MED27: variants seen among roughly 807,000 people sequenced by gnomAD.
The protein encoded by MED27 is mediator complex subunit 27.
MED27 carries 30 observed loss-of-function variants against 38.2 expected under a neutral mutation model. That is an observed-to-expected ratio of 0.79 (90% CI 0.59 to 1.07). MED27 has a LOEUF of 1.07. MED27 is among the 50% of genes least tolerant of loss of function. MED27 has a pLI of 0.00. For missense variants in MED27, 289 were observed against 397.5 expected, an observed-to-expected ratio of 0.73 and a Z score of 2.32; for synonymous variants, 122 against 153.5, an observed-to-expected ratio of 0.79 and a Z score of 1.52.
At chr9:131,866,840 G>C (rs372519652) in intron 6 of MED27, among the ~76,000 whole-genome samples, 2 of 152,148 alleles carry the variant, frequency 1.3e-5, no homozygotes, top group Non-Finnish European at 2.9e-5. Flanking sequence ...GATGAAATGC[G>C]AACTGTGAAC....
chr9:131,930,540 G>T (rs1443235529), intron 4 of MED27, among the ~76,000 whole-genome samples: 2 of 152,050 alleles, frequency 1.3e-5, no homozygotes, highest in Admixed American at 1.3e-4. Context: ...GCATGAAGGA[G>T]AAATAAAGAC....
chr9:131,963,054 A>G (rs1589236628), intron 3 of MED27, among the ~76,000 whole-genome samples: 2 of 152,246 alleles, frequency 1.3e-5, no homozygotes, highest in East Asian at 3.8e-4. Context: ...AGCCGAACAT[A>G]AATTTCTAAA....
Position 132,010,688 on chromosome 9 carries a change from A to G in MED27, c.479+3649T>C, listed in dbSNP as rs376064577. On this transcript the variant is annotated intron_variant, in intron 3 of 7. Coordinates refer to ENST00000292035, the MANE Select transcript of MED27 (RefSeq NM_004269.4). ...AAAATGTGGCACATATACACCACGG[A>G]ATACTATGCAGCCATAAAAAATGAT... 2.1e-3 allele frequency among the ~76,000 whole-genome samples: 327 copies of G among 152,336 alleles called. 8 individuals are homozygous for G. The East Asian group carries it at 0.04, about 19-fold the overall frequency.
At chr9:132,066,758 TC>T (rs937820825) in intron 2 of MED27, among the ~76,000 whole-genome samples, 1 of 152,072 alleles carries the variant, frequency 6.6e-6, no homozygotes, top group African/African-American at 2.4e-5. Context: ...CCAGCTCCCC[TC>T]CCGCACACAG....
At chr9:132,041,842 C>T (rs1833221294) in intron 2 of MED27, among the ~76,000 whole-genome samples, 1 of 152,248 alleles carries the variant, frequency 6.6e-6, no homozygotes, top group African/African-American at 2.4e-5. Context: ...TGACTTTCTT[C>T]TTCTCAAGAA....
intron 2 of MED27, among the ~76,000 whole-genome samples, chr9:132,026,474 A>G (rs1832821400): frequency 6.6e-6 from 1 of 152,164 alleles, no homozygotes; most frequent in South Asian, 2.1e-4. Context: ...GTTTTTGTGT[A>G]TCTACCTTTA....
Position 131,966,383 on chromosome 9 carries a change from C to CAAAAAAAAAAAAAAAAAAAA in MED27, c.480-26910_480-26909insTTTTTTTTTTTTTTTTTTTT, listed in dbSNP as rs749607968. On this transcript the variant is annotated intron_variant, in intron 3 of 7. Transcript: ENST00000292035. ...CAGGCAAAAGAGCCAGACCCTGTCA[C>CAAAAAAAAAAAAAAAAAAAA]AAAAAAAAAAAAAAAAAGGAAAGGA... is the stretch of plus-strand genomic sequence containing the variant. Among the ~76,000 whole-genome samples, 255 of 36,732 alleles carry CAAAAAAAAAAAAAAAAAAAA rather than the reference C, an allele frequency of 6.9e-3. 53 individuals are homozygous for CAAAAAAAAAAAAAAAAAAAA. Among genetic ancestry groups the CAAAAAAAAAAAAAAAAAAAA allele is most frequent in the African/African-American group, 0.015 (97 of 6,270 alleles). 24.1% of individuals were successfully genotyped at this position (36,732 alleles called of 152,430 possible).
At chr9:131,880,671 T>G (rs187041776) in intron 6 of MED27, among the ~76,000 whole-genome samples, 141 of 152,330 alleles carry the variant, frequency 9.3e-4, no homozygotes, top group African/African-American at 3.2e-3. Context: ...TGGCGGATGC[T>G]CCTAAATCTC....
At chr9:131,943,007 T>C (rs1314609683) in intron 3 of MED27, among the ~76,000 whole-genome samples, 1 of 152,198 alleles carries the variant, frequency 6.6e-6, no homozygotes, top group African/African-American at 2.4e-5. Flanking sequence ...GTGGGTTTTG[T>C]TGTTGTTTTG....
chr9:131,932,159 T>TAA (rs1830601735), intron 4 of MED27, among the ~76,000 whole-genome samples: 1 of 151,388 alleles, frequency 6.6e-6, no homozygotes, highest in African/African-American at 2.4e-5. Flanking sequence ...AAAAAAACTA[T>TAA]AAGAATATCA....
chr9:131,871,519 G>C (rs1439999770), intron 6 of MED27, among the ~76,000 whole-genome samples: 3 of 152,180 alleles, frequency 2.0e-5, no homozygotes, highest in Non-Finnish European at 4.4e-5. Flanking sequence ...CACCAGCCTG[G>C]TACAGGAACA....
rs1225192357 is a variant in MED27, at chr9:131,889,684, T to C, written c.681+4201A>G. Among the ~76,000 whole-genome samples, 6 of 152,032 alleles carry C rather than the reference T, an allele frequency of 3.9e-5. No homozygotes were observed. Among genetic ancestry groups the C allele is most frequent in the Admixed American group, 1.3e-4 (2 of 15,268 alleles). ...ATAGCCTTGCTGGGCTGGATTCTGATGGGGAAAAAACCTGCAAGGTCTGGA... is the reference window on the plus strand; with the variant it reads ...ATAGCCTTGCTGGGCTGGATTCTGACGGGGAAAAAACCTGCAAGGTCTGGA... On this transcript the variant is annotated intron_variant, in intron 5 of 7. Coordinates refer to ENST00000292035, the MANE Select transcript of MED27 (RefSeq NM_004269.4). The surrounding 1 kb of genome is among the most constrained non-coding windows in gnomAD (Gnocchi z 4.2).
At position 132,065,631 on chromosome 9, in the gene MED27, C is replaced by T. The variant is rs776163740; in HGVS notation, c.348+11811G>A. Among the ~76,000 whole-genome samples, 104 of 152,344 alleles carry T rather than the reference C, an allele frequency of 6.8e-4. 1 individual carries two copies. The highest frequency in any genetic ancestry group is 1.2e-3 in the Non-Finnish European group (85 of 68,032). ...CGCACACAAGGGTGCCTGCCACTCC[C>T]GAATCTGAGAGGCCTGCAGCTGCCT... On this transcript the variant is annotated intron_variant, in intron 2 of 7. Coordinates refer to ENST00000292035, the MANE Select transcript of MED27 (RefSeq NM_004269.4).
intron 4 of MED27, among the ~76,000 whole-genome samples, chr9:131,929,106 G>C (rs1209225702): frequency 6.6e-6 from 1 of 152,170 alleles, no homozygotes; most frequent in Admixed American, 6.5e-5. Flanking sequence ...GATATTTCTC[G>C]ACACCTTGGG....
At chr9:131,915,001 T>C (rs928359875) in intron 4 of MED27, among the ~76,000 whole-genome samples, 1 of 152,122 alleles carries the variant, frequency 6.6e-6, no homozygotes, top group African/African-American at 2.4e-5. Context: ...AATGGCGACA[T>C]GAACAGGCAG....
chr9:131,861,416 G>A lies in MED27; in HGVS notation c.802-744C>T, dbSNP rs1291311906. 6.6e-6 allele frequency among the ~76,000 whole-genome samples: 1 copy of A among 152,198 alleles called. No individual in the cohort carries two copies. The highest frequency in any genetic ancestry group is 2.4e-5 in the African/African-American group (1 of 41,452). On this transcript the variant is annotated intron_variant, in intron 7 of 7. Coordinates refer to ENST00000292035, the MANE Select transcript of MED27 (RefSeq NM_004269.4). This position sits in a 1 kb window ranked among gnomAD's most constrained non-coding sequence, Gnocchi z 4.4. ...CGCGGTGAAAGGGCACGTGAATCTTGTCATTTAATGTCCTCCTGAATTAAG... is the reference window on the plus strand; with the variant it reads ...CGCGGTGAAAGGGCACGTGAATCTTATCATTTAATGTCCTCCTGAATTAAG...
At chr9:131,959,532 A>G (rs1016078048) in intron 3 of MED27, among the ~76,000 whole-genome samples, 34 of 152,196 alleles carry the variant, frequency 2.2e-4, no homozygotes, top group Non-Finnish European at 3.8e-4. Context: ...AGAGGGCCAC[A>G]GCGGGCAAAT....
intron 2 of MED27, among the ~76,000 whole-genome samples, chr9:132,035,789 C>T (rs1833061568): frequency 6.6e-6 from 1 of 152,048 alleles, no homozygotes; most frequent in Non-Finnish European, 1.5e-5. Context: ...ATAGCAAGAC[C>T]CCATCTCTAC....
intron 2 of MED27, among the ~76,000 whole-genome samples, chr9:132,064,448 T>C (rs2131155092): frequency 6.6e-6 from 1 of 152,310 alleles, no homozygotes; most frequent in South Asian, 2.1e-4. Context: ...TATCTCATGA[T>C]AGAAACAGAC....
Sources: allele counts gnomAD v4.1 joint callset (sites outside exome capture counted in the v4.1 genomes callset), GRCh38; gene constraint gnomAD v4.1.1; non-coding constraint Gnocchi (gnomAD v3.1); transcripts MANE v1.5; gene names NCBI Gene and HGNC (gene_info 2026-07-23, HGNC 2026-07-21).